NRL: variants seen among roughly 807,000 people sequenced by gnomAD.
The protein encoded by NRL is neural retina leucine zipper, also known as neural retina-specific leucine zipper protein.
Under a neutral mutation model 12.5 loss-of-function variants are expected in NRL, and 16 were observed. That is an observed-to-expected ratio of 1.28 (90% CI 0.87 to 1.95). NRL has a LOEUF of 1.95. Ranked by LOEUF, NRL falls within the 30% of genes most tolerant of loss-of-function variation. The pLI is 0.00. For synonymous variants in NRL, 142 were observed against 150.9 expected (o/e 0.94, Z 0.43); for missense variants, 314 against 325.8 (o/e 0.96, Z 0.28).
chr14:24,087,146 G>A (rs1186639897), intron 1 of NRL, among the ~76,000 whole-genome samples: 1 of 152,170 alleles, frequency 6.6e-6, no homozygotes, highest in African/African-American at 2.4e-5. Context: ...GGGTCTCCAT[G>A]GGGATTTGGA....
chr14:24,099,840 C>T, intron 1 of NRL: 1 of 1,520,544 alleles, frequency 6.6e-7, no homozygotes, highest in Non-Finnish European at 9.1e-7. Flanking sequence ...AACCCTGCTC[C>T]ATTCCTCTGG....
Position 24,082,517 on chromosome 14 carries a change from T to C in NRL, c.332A>G (p.His111Arg), listed in dbSNP as rs1311634456. 1 of 1,613,338 alleles carries C rather than the reference T, an allele frequency of 6.2e-7. No homozygotes were observed. Among genetic ancestry groups the C allele is most frequent in the African/African-American group, 1.3e-5 (1 of 75,058 alleles). ...CTCTGGGCTCCCTGGGTAGTAGCCA[T>C]GGGGCCCATCAACAGGGACTGGGCC... ...GQGPVPVDGP[H>R]GYYPGSPEET... is the part of the protein sequence containing the mutation. The change falls in exon 2 of 3, where the codon CAT becomes CGT. Residue 111 changes from histidine (H) to arginine (R), a missense_variant. Physicochemically the swap from His to Arg is conservative, Grantham distance 29. Coordinates refer to ENST00000561028, the MANE Select transcript of NRL (RefSeq NM_001354768.3).
At chr14:24,107,721 G>A (rs1198334658) in intron 1 of NRL, among the ~76,000 whole-genome samples, 1 of 152,054 alleles carries the variant, frequency 6.6e-6, no homozygotes, top group Non-Finnish European at 1.5e-5. Flanking sequence ...AGACTCAGAT[G>A]TTCAGTGTCT....
intron 1 of NRL, chr14:24,097,000 T>C: frequency 6.2e-7 from 1 of 1,613,306 alleles, no homozygotes; most frequent in African/African-American, 1.3e-5. Context: ...GCATTCGAGA[T>C]TTTGTAGAGC....
intron 1 of NRL, among the ~76,000 whole-genome samples, chr14:24,091,119 C>CTGTGTGTGTGTG (rs55656236): frequency 8.6e-5 from 12 of 138,732 alleles, no homozygotes; most frequent in African/African-American, 2.5e-4. Flanking sequence ...CAGAAAAGGC[C>CTGTGTGTGTGTG]TGTGTGTGTG....
chr14:24,100,836 C>T (rs1300200996), intron 1 of NRL, among the ~76,000 whole-genome samples: 1 of 152,190 alleles, frequency 6.6e-6, no homozygotes, highest in Non-Finnish European at 1.5e-5. Context: ...CAGGTCAGTG[C>T]TTGAGTCTTT....
chr14:24,109,869 C>T (rs2037392831), intron 1 of NRL, among the ~76,000 whole-genome samples: 1 of 152,004 alleles, frequency 6.6e-6, no homozygotes, highest in African/African-American at 2.4e-5. Flanking sequence ...GTACAAGTTC[C>T]ATATTACAAA....
chr14:24,105,770 T>G lies in NRL; in HGVS notation c.-28+8952A>C, dbSNP rs142900230. ...CCCTTCTCTACAAAAATACAAAAAT[T>G]AGCTGGGCATGATGGCAGGTGCCTG... On this transcript the variant is annotated intron_variant, in intron 1 of 2. Coordinates refer to ENST00000561028, the MANE Select transcript of NRL (RefSeq NM_001354768.3). Among the ~76,000 whole-genome samples, 102 of 152,256 alleles carry G rather than the reference T, an allele frequency of 6.7e-4. No individual in the cohort carries two copies. The East Asian group carries it at 0.019, about 28-fold the overall frequency.
At chr14:24,099,404 C>T (rs771434822) in intron 1 of NRL, among the ~76,000 whole-genome samples, 3 of 152,348 alleles carry the variant, frequency 2.0e-5, no homozygotes, top group East Asian at 3.9e-4. Context: ...TTGAGGTTTC[C>T]CCTGCCACTA....
chr14:24,102,781 C>A (rs1322424522), intron 1 of NRL: 1 of 1,613,806 alleles, frequency 6.2e-7, no homozygotes, highest in Admixed American at 1.7e-5. Flanking sequence ...CACATCCCAA[C>A]TCTCGATTTT....
intron 1 of NRL, among the ~76,000 whole-genome samples, chr14:24,109,629 C>T (rs1242152822): frequency 6.7e-6 from 1 of 149,028 alleles, no homozygotes; most frequent in Non-Finnish European, 1.5e-5. Context: ...ACCCGGGAGG[C>T]GGAGCTTGCA....
chr14:24,108,673 C>G (rs1372378418), intron 1 of NRL, among the ~76,000 whole-genome samples: 1 of 152,176 alleles, frequency 6.6e-6, no homozygotes, highest in East Asian at 1.9e-4. Flanking sequence ...AGCTCCTACC[C>G]TACACACAGA....
In NRL at chr14:24,081,337, C is replaced by G. The variant is rs1410539112; in HGVS notation, c.613G>C (p.Val205Leu). ...TCGCGCTCCCGGGCCAGGCGGGCCA[C>G]CTCGGCCCGCAGCGCGTCCAGCTGG... ...AAQLDALRAE[V>L]ARLARERDLY... Residue 205 changes from valine (V) to leucine (L), a missense_variant, in exon 3 of 3, where the codon GTG becomes CTG. Val to Leu is a conservative substitution (Grantham distance 32). Coordinates refer to ENST00000561028, the MANE Select transcript of NRL (RefSeq NM_001354768.3). The surrounding 1 kb of genome is among the most constrained non-coding windows in gnomAD (Gnocchi z 4.4). The G allele has an allele frequency of 6.8e-7, 1 of 1,472,244 alleles. No individual in the cohort carries two copies. The highest frequency in any genetic ancestry group is 1.5e-5 in the African/African-American group (1 of 68,262). The allele number at this position is 1,472,244 out of a possible 1,614,324, so 91.2% of individuals were successfully genotyped here.
intron 1 of NRL, chr14:24,099,904 AG>A: frequency 6.2e-7 from 1 of 1,610,538 alleles, no homozygotes; most frequent in Non-Finnish European, 8.5e-7. Context: ...GGTCCATCTC[AG>A]GACAGGGGTG....
intron 1 of NRL, among the ~76,000 whole-genome samples, chr14:24,112,463 T>A (rs2037435500): frequency 1.5e-5 from 2 of 137,298 alleles, no homozygotes; most frequent in Admixed American, 7.4e-5. Context: ...GGGAGAAAAT[T>A]TTCGCAACCT....
At position 24,082,870 on chromosome 14, in the gene NRL, G is replaced by A; in HGVS notation, c.-22C>T. On this transcript the variant is annotated 5_prime_UTR_variant, in exon 2 of 3. Transcript: ENST00000561028. ...CCATTCTGGAGCTGGGCTGGGAGGA[G>A]TGCACCTGCAAAGAGGAGGAGAGGT... The A allele has an allele frequency of 1.2e-6, 2 of 1,604,228 alleles. No homozygotes were observed. Among genetic ancestry groups the A allele is most frequent in the Non-Finnish European group, 1.7e-6 (2 of 1,174,220 alleles).
In NRL at chr14:24,081,755, C is replaced by A. The variant is rs2036316111; in HGVS notation, c.382-187G>T. The stretch of plus-strand genomic sequence containing the variant: ...GCCCCAGGCCCCGACGCTCCCCGGG[C>A]CCCCCAGCTGACCGTTGCTCCAGTC... On this transcript the variant is annotated intron_variant, in intron 2 of 2. Transcript: ENST00000561028. This position sits in a 1 kb window ranked among gnomAD's most constrained non-coding sequence, Gnocchi z 4.4. 2 of 1,518,772 alleles carry A rather than the reference C, an allele frequency of 1.3e-6. No individual in the cohort carries two copies. The highest frequency in any genetic ancestry group is 1.8e-6 in the Non-Finnish European group (2 of 1,138,806). The allele number at this position is 1,518,772 out of a possible 1,614,324, so 94.1% of individuals were successfully genotyped here.
chr14:24,107,985 A>C (rs1418050879), intron 1 of NRL, among the ~76,000 whole-genome samples: 1 of 152,234 alleles, frequency 6.6e-6, no homozygotes, highest in Non-Finnish European at 1.5e-5. Context: ...AAACATACTT[A>C]GTGTTTATTA....
intron 1 of NRL, among the ~76,000 whole-genome samples, chr14:24,097,794 A>G (rs1473027332): frequency 1.3e-5 from 2 of 152,076 alleles, no homozygotes; most frequent in Non-Finnish European, 2.9e-5. Context: ...GGGTTTCACC[A>G]TGTTGGCCAG....
Sources: gnomAD v4.1 joint callset for allele counts (sites outside exome capture counted in the v4.1 genomes callset) on GRCh38, gnomAD v4.1.1 for gene constraint, Gnocchi (gnomAD v3.1) non-coding constraint, MANE v1.5 for transcripts, NCBI Gene and HGNC (gene_info 2026-07-23, HGNC 2026-07-21) for gene names.